Variants in PCDH15 observed in about 807,000 individuals in gnomAD.
PCDH15 encodes protocadherin related 15.
A neutral mutation model predicts 178.5 loss-of-function variants in PCDH15; 129 were observed. The observed-to-expected ratio is 0.72, with a 90% CI of 0.63 to 0.84. The LOEUF (loss-of-function observed/expected upper bound fraction) is 0.84, where lower values mean the gene tolerates loss of function less well. Among genes scored for constraint, PCDH15 ranks in the 40% least tolerant of loss-of-function variants. PCDH15 has a pLI of 0.00. For synonymous variants in PCDH15, 800 were observed against 732.0 expected, an observed-to-expected ratio of 1.09 and a Z score of -1.50; for missense variants, 2,230 against 2,099.9, an observed-to-expected ratio of 1.06 and a Z score of -1.21.
intron 2 of PCDH15, among the ~76,000 whole-genome samples, chr10:55,369,711 G>T (rs969965270): frequency 6.6e-6 from 1 of 151,780 alleles, no homozygotes; most frequent in African/African-American, 2.4e-5. Context: ...TCTTCCACAG[G>T]CATGTGAGAT....
chr10:55,394,055 C>T (rs1837863856), intron 2 of PCDH15, among the ~76,000 whole-genome samples: 1 of 151,860 alleles, frequency 6.6e-6, no homozygotes. Flanking sequence ...GGCATAAAAC[C>T]CAACCAGCCC....
chr10:53,842,131 G>A (rs923746301), intron 28 of PCDH15, among the ~76,000 whole-genome samples: 3 of 152,120 alleles, frequency 2.0e-5, no homozygotes, highest in Non-Finnish European at 4.4e-5. Context: ...ACATTTTGTA[G>A]GAGGCACAAA....
At chr10:55,443,984 G>A (rs1397710005) in intron 2 of PCDH15, among the ~76,000 whole-genome samples, 1 of 152,036 alleles carries the variant, frequency 6.6e-6, no homozygotes, top group Non-Finnish European at 1.5e-5. Flanking sequence ...GTCCTTCGAA[G>A]GGAAATGCAT....
At chr10:54,515,961 A>C (rs2082169228) in intron 3 of PCDH15, among the ~76,000 whole-genome samples, 1 of 152,214 alleles carries the variant, frequency 6.6e-6, no homozygotes, top group South Asian at 2.1e-4. Context: ...GAAAACTAAC[A>C]AACAGAAAGG....
intron 2 of PCDH15, among the ~76,000 whole-genome samples, chr10:55,139,467 A>G (rs1320863496): frequency 1.3e-5 from 2 of 152,056 alleles, no homozygotes; most frequent in Non-Finnish European, 2.9e-5. Flanking sequence ...TGAATGAGGT[A>G]TGAGACCTAG....
chr10:55,063,596 T>C (rs775677377), intron 2 of PCDH15, among the ~76,000 whole-genome samples: 5 of 152,154 alleles, frequency 3.3e-5, no homozygotes, highest in Non-Finnish European at 7.4e-5. Flanking sequence ...TGTGCATGTT[T>C]GTATGTATTT....
upstream of PCDH15, among the ~76,000 whole-genome samples, chr10:55,323,552 A>C (rs141778713): frequency 9.7e-3 from 1,480 of 152,316 alleles, 24 homozygotes; most frequent in African/African-American, 0.033. Flanking sequence ...ATGGAGTCAA[A>C]GGAGATCATT....
intron 3 of PCDH15, among the ~76,000 whole-genome samples, chr10:54,810,325 C>A (rs1376081673): frequency 1.3e-5 from 2 of 151,892 alleles, no homozygotes; most frequent in Admixed American, 6.6e-5. Flanking sequence ...TTCCACCTAC[C>A]ATTACAGTTT....
In PCDH15 at chr10:54,969,082, ATT is replaced by A. The variant is rs76066772; in HGVS notation, c.-79-71584_-79-71583del. On this transcript the variant is annotated intron_variant, in intron 2 of 5. Transcript: ENST00000458638. ...TGTAACTCTGAGGTCTGTTTCTATTATTTTTTTTTTTACTACTTAATGGGTCA... is the reference window on the plus strand; with the variant it reads ...TGTAACTCTGAGGTCTGTTTCTATTATTTTTTTTTACTACTTAATGGGTCA... 5.3e-3 allele frequency among the ~76,000 whole-genome samples: 789 copies of A among 149,042 alleles called. 5 individuals are homozygous for A. The highest frequency in any genetic ancestry group is 0.018 in the African/African-American group (755 of 40,934).
chr10:54,893,151 C>T (rs950613096), intron 3 of PCDH15, among the ~76,000 whole-genome samples: 5 of 151,790 alleles, frequency 3.3e-5, no homozygotes, highest in Non-Finnish European at 5.9e-5. Context: ...AATTCTTATT[C>T]CAGCAAATAT....
At position 54,089,128 on chromosome 10, in the gene PCDH15, G is replaced by A. The variant is rs558297569; in HGVS notation, c.1997+856C>T. On this transcript the variant is annotated intron_variant, in intron 16 of 37. Transcript: ENST00000644397. Reference sequence around the variant, plus strand: ...TCATGTTTGTAAAATTCTATTTAACGTGAAATTTCAGGTATTTCTGGGAAG... The same window carrying A: ...TCATGTTTGTAAAATTCTATTTAACATGAAATTTCAGGTATTTCTGGGAAG... 1.5e-4 allele frequency among the ~76,000 whole-genome samples: 23 copies of A among 152,216 alleles called. No individual in the cohort carries two copies. The South Asian group carries it at 4.6e-3, about 30-fold the overall frequency.
intron 18 of PCDH15, among the ~76,000 whole-genome samples, chr10:54,057,898 CA>C (rs1365049513): frequency 6.6e-6 from 1 of 152,170 alleles, no homozygotes; most frequent in Admixed American, 6.5e-5. Context: ...ATTCCTAGGG[CA>C]GGGGCAAAAT....
intron 10 of PCDH15, among the ~76,000 whole-genome samples, chr10:54,213,196 C>T (rs1005877890): frequency 2.0e-5 from 3 of 152,086 alleles, no homozygotes; most frequent in Admixed American, 6.6e-5. Context: ...ACTTACAATG[C>T]CCTTTTCCCA....
chr10:54,835,016 C>A (rs776998320), intron 3 of PCDH15, among the ~76,000 whole-genome samples: 25 of 152,126 alleles, frequency 1.6e-4, no homozygotes, highest in Admixed American at 1.6e-3. Flanking sequence ...TGTTCATGCC[C>A]TGTGGTTTCT....
chr10:55,289,517 G>GT, intron 1 of PCDH15, among the ~76,000 whole-genome samples: 1 of 151,256 alleles, frequency 6.6e-6, no homozygotes, highest in South Asian at 2.1e-4. Flanking sequence ...AAAGAAAAGT[G>GT]TTAAAAAAAA....
chr10:54,094,207 C>T (rs1243344752), intron 15 of PCDH15, among the ~76,000 whole-genome samples: 5 of 152,180 alleles, frequency 3.3e-5, no homozygotes, highest in Admixed American at 2.6e-4. Flanking sequence ...GGCACTGAGG[C>T]TGCAGCAGTA....
At chr10:53,855,920 A>ATATATATATATATATATATGTGTGTGTG (rs1201156130) in intron 28 of PCDH15, among the ~76,000 whole-genome samples, 1 of 140,414 alleles carries the variant, frequency 7.1e-6, no homozygotes, top group East Asian at 3.2e-4. Context: ...ATATATATAT[A>ATATATATATATATATATATGTGTGTGTG]TGTATGTGTG....
intron 2 of PCDH15, among the ~76,000 whole-genome samples, chr10:55,149,458 A>G (rs1838634914): frequency 6.6e-6 from 1 of 152,068 alleles, no homozygotes; most frequent in Admixed American, 6.6e-5. Flanking sequence ...ACAGTAAAGT[A>G]AAATCGTTTT....
intron 2 of PCDH15, among the ~76,000 whole-genome samples, chr10:55,027,152 G>GATA (rs71014439): frequency 0.57 from 86,130 of 151,376 alleles, 24,813 homozygotes; most frequent in East Asian, 0.75. Flanking sequence ...TGAAAAATAA[G>GATA]ATAATGCAAT....
Sources: gnomAD v4.1 joint callset for allele counts (sites outside exome capture counted in the v4.1 genomes callset) on GRCh38, gnomAD v4.1.1 for gene constraint, MANE v1.5 for transcripts, NCBI Gene and HGNC (gene_info 2026-07-23, HGNC 2026-07-21) for gene names.